MDGA2: variants seen among roughly 807,000 people sequenced by gnomAD.
The protein encoded by MDGA2 is MAM domain-containing glycosylphosphatidylinositol anchor protein 2.
In MDGA2, 40 loss-of-function variants were observed where a neutral mutation model predicts 117.8. The observed-to-expected ratio is 0.34, with a 90% CI of 0.26 to 0.44. The LOEUF is 0.44. MDGA2 is among the 20% of genes least tolerant of loss of function. The probability of loss-of-function intolerance (pLI) is 1.00; values close to 1 mark genes in which losing one functional copy is unlikely to be tolerated. For missense variants in MDGA2, 1,123 were observed against 1,250.6 expected, an observed-to-expected ratio of 0.90 and a Z score of 1.54; for synonymous variants, 452 against 439.0, an observed-to-expected ratio of 1.03 and a Z score of -0.37.
intron 3 of MDGA2, among the ~76,000 whole-genome samples, chr14:47,175,106 T>C (rs1227737129): frequency 1.3e-5 from 2 of 151,584 alleles, no homozygotes; most frequent in Admixed American, 6.6e-5. Flanking sequence ...CAGGAAGAAG[T>C]TGAATCTCTG....
intron 7 of MDGA2, chr14:47,059,281 T>G: frequency 8.0e-7 from 1 of 1,245,850 alleles, no homozygotes; most frequent in Non-Finnish European, 1.1e-6. Flanking sequence ...GAGCTTCCAT[T>G]CTATGGAGAA....
rs556491799 is a variant in MDGA2 at position 46,922,036 on chromosome 14, C to A, written c.2090-1876G>T. Among the ~76,000 whole-genome samples the A allele has an allele frequency of 4.6e-5, 7 of 151,942 alleles. No individual in the cohort carries two copies. The South Asian group carries it at 1.5e-3, about 32-fold the overall frequency. The stretch of plus-strand genomic sequence containing the variant: ...CCCATTCTTAATAAAATAAACAATT[C>A]ATTCAAAGAGAATCAAGAAGAGAAT... On this transcript the variant is annotated intron_variant, in intron 9 of 16. Transcript: ENST00000399232.
At chr14:47,567,667 A>G (rs1895944718) in intron 1 of MDGA2, among the ~76,000 whole-genome samples, 1 of 152,194 alleles carries the variant, frequency 6.6e-6, no homozygotes, top group African/African-American at 2.4e-5. Context: ...CTTGACCCAG[A>G]AAATGCCTAG....
intron 6 of MDGA2, among the ~76,000 whole-genome samples, chr14:47,084,318 G>A (rs1033481220): frequency 6.6e-6 from 1 of 151,702 alleles, no homozygotes; most frequent in Admixed American, 6.6e-5. Flanking sequence ...GAAGTACCAA[G>A]GGAAATTAAA....
At chr14:47,126,835 C>T (rs1881927459) in intron 5 of MDGA2, among the ~76,000 whole-genome samples, 1 of 152,120 alleles carries the variant, frequency 6.6e-6, no homozygotes, top group South Asian at 2.1e-4. Flanking sequence ...TGTAACTGTT[C>T]TGCAGTAAGA....
intron 6 of MDGA2, among the ~76,000 whole-genome samples, chr14:47,074,858 C>T (rs1470547893): frequency 6.6e-6 from 1 of 152,170 alleles, no homozygotes; most frequent in Non-Finnish European, 1.5e-5. Context: ...ACCCTCTGTT[C>T]TCAACTCTCT....
intron 1 of MDGA2, among the ~76,000 whole-genome samples, chr14:47,653,482 G>A (rs575224396): frequency 1.6e-4 from 25 of 152,216 alleles, no homozygotes; most frequent in African/African-American, 5.1e-4. Flanking sequence ...GGCTACCCAC[G>A]CATTTGAGAA....
intron 1 of MDGA2, among the ~76,000 whole-genome samples, chr14:47,308,493 T>C (rs1889529857): frequency 7.5e-6 from 1 of 132,814 alleles, no homozygotes; most frequent in African/African-American, 2.7e-5. Flanking sequence ...TTTCCCTCTC[T>C]TTCTGTTAGT....
chr14:47,340,354 CT>C (rs1425476015), intron 1 of MDGA2, among the ~76,000 whole-genome samples: 1 of 152,080 alleles, frequency 6.6e-6, no homozygotes, highest in Non-Finnish European at 1.5e-5. Flanking sequence ...GCCAAACATC[CT>C]TTATCACTGT....
chr14:47,335,745 T>TATATATATATATACATACATAC, intron 1 of MDGA2, among the ~76,000 whole-genome samples: 7 of 95,540 alleles, frequency 7.3e-5, no homozygotes, highest in African/African-American at 2.6e-4. Flanking sequence ...TATATATATA[T>TATATATATATATACATACATAC]ATACATACAT....
intron 5 of MDGA2, among the ~76,000 whole-genome samples, chr14:47,110,789 T>C (rs1177304995): frequency 6.6e-6 from 1 of 152,172 alleles, no homozygotes; most frequent in Non-Finnish European, 1.5e-5. Flanking sequence ...TCTGCACATA[T>C]AGCCTCTTAA....
chr14:46,938,155 T>C (rs1270940172), intron 9 of MDGA2, among the ~76,000 whole-genome samples: 1 of 152,128 alleles, frequency 6.6e-6, no homozygotes. Context: ...AATAGACATT[T>C]ATCAAAGAAG....
rs374285395 is a variant in MDGA2 at position 47,431,511 on chromosome 14, G to C, written c.281-129961C>G. ...ACAAAAAGAATTTGTTAAATATTAC[G>C]CCTTTGGTATTGTTATGATGGAAAA... is the stretch of plus-strand genomic sequence containing the variant. On this transcript the variant is annotated intron_variant, in intron 1 of 16. Coordinates refer to ENST00000399232, the MANE Select transcript of MDGA2 (RefSeq NM_001113498.3). Among the ~76,000 whole-genome samples, 3 of 151,928 alleles carry C rather than the reference G, an allele frequency of 2.0e-5. No individual in the cohort carries two copies. The East Asian group carries it at 5.8e-4, about 29-fold the overall frequency.
chr14:47,360,886 A>G (rs1380434799), intron 1 of MDGA2, among the ~76,000 whole-genome samples: 1 of 152,108 alleles, frequency 6.6e-6, no homozygotes, highest in Non-Finnish European at 1.5e-5. Flanking sequence ...ACAGAAAGGA[A>G]AAGGTTGAAT....
intron 1 of MDGA2, among the ~76,000 whole-genome samples, chr14:47,452,841 T>C (rs1040948355): frequency 8.5e-5 from 13 of 152,204 alleles, no homozygotes; most frequent in African/African-American, 3.1e-4. Flanking sequence ...TCATTTTTTG[T>C]GCTCTGGTTA....
chr14:47,595,407 G>A lies in MDGA2; in HGVS notation c.280+79110C>T, dbSNP rs185316387. On this transcript the variant is annotated intron_variant, in intron 1 of 16. Transcript: ENST00000399232. ...AAAATAGCTGGGCACGGTGGTGGGC[G>A]CCTGTAATCCCAGCTACTCGGGAGG... Among the ~76,000 whole-genome samples, 551 of 151,746 alleles carry A rather than the reference G, an allele frequency of 3.6e-3. 4 individuals carry two copies. Among genetic ancestry groups the A allele is most frequent in the African/African-American group, 0.012 (501 of 41,388 alleles).
At chr14:47,442,657 T>G (rs1893036889) in intron 1 of MDGA2, among the ~76,000 whole-genome samples, 1 of 152,104 alleles carries the variant, frequency 6.6e-6, no homozygotes, top group Non-Finnish European at 1.5e-5. Context: ...GCAAACGGAA[T>G]GTAGGCACCA....
intron 8 of MDGA2, among the ~76,000 whole-genome samples, chr14:47,011,444 T>C (rs1270543554): frequency 6.6e-6 from 1 of 151,968 alleles, no homozygotes; most frequent in Non-Finnish European, 1.5e-5. Flanking sequence ...GCTCATATGT[T>C]GAGAAGCAAA....
chr14:47,033,077 C>T (rs976402828), intron 8 of MDGA2, among the ~76,000 whole-genome samples: 30 of 152,196 alleles, frequency 2.0e-4, no homozygotes, highest in African/African-American at 7.0e-4. Context: ...CAATTATGTT[C>T]ATCCCTGTCA....
Sources: allele counts gnomAD v4.1 joint callset (sites outside exome capture counted in the v4.1 genomes callset), GRCh38; gene constraint gnomAD v4.1.1; transcripts MANE v1.5; gene names NCBI Gene and HGNC (gene_info 2026-07-23, HGNC 2026-07-21).